ATXN8OS: variants seen among roughly 807,000 people sequenced by gnomAD.
ATXN8OS encodes ATXN8 opposite strand (non-protein coding).
In ATXN8OS at chr13:70,117,901, G is replaced by T. The variant is rs560653265; in HGVS notation, n.398+2603G>T. Among the ~76,000 whole-genome samples, 578 of 152,134 alleles carry T rather than the reference G, an allele frequency of 3.8e-3. 2 individuals are homozygous for T. Among genetic ancestry groups the T allele is most frequent in the Non-Finnish European group, 5.8e-3 (394 of 67,952 alleles). On this transcript the variant is annotated intron_variant and non_coding_transcript_variant, in intron 2 of 4. Coordinates refer to ENST00000678624, the Ensembl canonical transcript of ATXN8OS. ...AAGCTTTCAATACTTAGTTGGCTTT[G>T]CAACTTTCAAAGGCATTTTGTAAAA...
chr13:70,163,294 C>A (rs562312511), intron 4 of ATXN8OS, among the ~76,000 whole-genome samples: 1 of 152,104 alleles, frequency 6.6e-6, no homozygotes, highest in East Asian at 1.9e-4. Context: ...GATCTCACTG[C>A]TGGTGTGGAA....
rs527555775 is a variant in ATXN8OS, at chr13:70,108,051, G to A, written n.240+32G>A. The A allele has an allele frequency of 1.4e-5, 6 of 425,000 alleles. No homozygotes were observed. The South Asian group carries it at 4.2e-4, about 30-fold the overall frequency. 26.3% of individuals were successfully genotyped at this position (425,000 alleles called of 1,614,324 possible). On this transcript the variant is annotated intron_variant and non_coding_transcript_variant, in intron 1 of 4. Transcript: ENST00000678624. ...CAACCCTTAGGCTGGAGATGCGCGAGGGAGGGAGGTCTGAGCGCTCCGAAG... is the reference window on the plus strand; with the variant it reads ...CAACCCTTAGGCTGGAGATGCGCGAAGGAGGGAGGTCTGAGCGCTCCGAAG...
intron 1 of ATXN8OS, among the ~76,000 whole-genome samples, chr13:70,113,532 G>A (rs1888230786): frequency 6.6e-6 from 1 of 152,050 alleles, no homozygotes; most frequent in Non-Finnish European, 1.5e-5. Context: ...TCACTGTGGG[G>A]TAAGGTGAGT....
At chr13:70,143,025 A>T (rs977349858) in intron 3 of ATXN8OS, among the ~76,000 whole-genome samples, 3 of 151,936 alleles carry the variant, frequency 2.0e-5, no homozygotes, top group Non-Finnish European at 4.4e-5. Context: ...GTGAGCCGAG[A>T]TCGCGCCATT....
rs1240524168 is a variant in ATXN8OS at position 70,160,805 on chromosome 13, T to TA, written n.574-8948_574-8947insA. On this transcript the variant is annotated intron_variant and non_coding_transcript_variant, in intron 4 of 4. Transcript: ENST00000678624. ...AAATATTTATTTATAAATATATTTA[T>TA]TATAAATATATATAAATATATATTT... Among the ~76,000 whole-genome samples, 4 of 14,990 alleles carry TA rather than the reference T, an allele frequency of 2.7e-4. 1 individual carries two copies. Among genetic ancestry groups the TA allele is most frequent in the African/African-American group, 4.3e-4 (4 of 9,232 alleles). 9.8% of individuals were successfully genotyped at this position (14,990 alleles called of 152,430 possible). A position where few individuals can be genotyped will look rare whatever the true frequency, so the allele number is the denominator to read the frequency against.
At chr13:70,164,127 TTAATAA>T (rs1889046470) in intron 4 of ATXN8OS, among the ~76,000 whole-genome samples, 1 of 148,992 alleles carries the variant, frequency 6.7e-6, no homozygotes, top group Non-Finnish European at 1.5e-5. Flanking sequence ...CAGGATAATA[TTAATAA>T]TAATAACCAA....
At chr13:70,146,920 T>C (rs952182494) in intron 3 of ATXN8OS, among the ~76,000 whole-genome samples, 2 of 152,042 alleles carry the variant, frequency 1.3e-5, no homozygotes, top group Admixed American at 6.6e-5. Flanking sequence ...ATAAAAATAA[T>C]GAAATTTTAA....
intron 2 of ATXN8OS, among the ~76,000 whole-genome samples, chr13:70,121,740 T>C (rs1442246891): frequency 1.3e-5 from 2 of 152,154 alleles, no homozygotes; most frequent in Admixed American, 6.6e-5. Flanking sequence ...TATTATCTTA[T>C]GTTATAAACT....
chr13:70,121,636 CTT>C lies in ATXN8OS; in HGVS notation n.398+6339_398+6340del, dbSNP rs1888361354. Among the ~76,000 whole-genome samples, 3 of 151,920 alleles carry C rather than the reference CTT, an allele frequency of 2.0e-5. No homozygotes were observed. In the South Asian group the frequency reaches 6.2e-4, roughly 31 times the overall value. ...GCTTTCATTCATACAGATGAGCTCTCTTAATTTAGGAAATGTAGAACTAGAAT... is the reference window on the plus strand; with the variant it reads ...GCTTTCATTCATACAGATGAGCTCTCAATTTAGGAAATGTAGAACTAGAAT... On this transcript the variant is annotated intron_variant and non_coding_transcript_variant, in intron 2 of 4. Coordinates refer to ENST00000678624, the Ensembl canonical transcript of ATXN8OS.
chr13:70,130,194 T>C (rs1262628376), intron 3 of ATXN8OS, among the ~76,000 whole-genome samples: 1 of 152,196 alleles, frequency 6.6e-6, no homozygotes, highest in Non-Finnish European at 1.5e-5. Flanking sequence ...TGCGATACAC[T>C]AAACACATTT....
At chr13:70,131,221 A>T (rs946279358) in intron 3 of ATXN8OS, 1 of 376,426 alleles carries the variant, frequency 2.7e-6, no homozygotes, top group African/African-American at 2.5e-5. Flanking sequence ...ACATGTATAC[A>T]TCCTAAATAT....
intron 2 of ATXN8OS, among the ~76,000 whole-genome samples, chr13:70,118,680 A>C (rs1007625335): frequency 6.6e-6 from 1 of 152,086 alleles, no homozygotes; most frequent in Non-Finnish European, 1.5e-5. Context: ...ACTATCACAG[A>C]ATGCTAGAAT....
intron 3 of ATXN8OS, among the ~76,000 whole-genome samples, chr13:70,145,511 T>A (rs1888770607): frequency 6.6e-6 from 1 of 152,026 alleles, no homozygotes; most frequent in South Asian, 2.1e-4. Flanking sequence ...TTTGTTTGTA[T>A]CTTCTTTTAT....
In ATXN8OS at chr13:70,139,380, A is replaced by ACTACTG. The variant is rs1351934971; in HGVS notation, n.500-7972_500-7967dup. ...TACTACTACTACTACTACTACTACT[A>ACTACTG]CTACTGCTGCTGCTGCTGCTGCTGC... On this transcript the variant is annotated intron_variant and non_coding_transcript_variant, in intron 3 of 4. Transcript: ENST00000678624. The ACTACTG allele has an allele frequency of 1.4e-4, 83 of 576,694 alleles. 4 individuals carry two copies. The highest frequency in any genetic ancestry group is 1.4e-4 in the Non-Finnish European group (47 of 335,924). 35.7% of individuals were successfully genotyped at this position (576,694 alleles called of 1,614,324 possible). A position where few individuals can be genotyped will look rare whatever the true frequency, so the allele number is the denominator to read the frequency against.
intron 4 of ATXN8OS, among the ~76,000 whole-genome samples, chr13:70,154,705 G>A (rs1331867803): frequency 1.3e-5 from 2 of 152,156 alleles, no homozygotes; most frequent in East Asian, 1.9e-4. Context: ...TCAACAAAGA[G>A]AGAAGAAAAA....
At chr13:70,153,192 A>C (rs768972592) in intron 4 of ATXN8OS, among the ~76,000 whole-genome samples, 3 of 152,142 alleles carry the variant, frequency 2.0e-5, no homozygotes, top group Non-Finnish European at 4.4e-5. Context: ...TTAGTAGCTA[A>C]AGAGTGAATG....
chr13:70,107,705 A>G, upstream of ATXN8OS: 1 of 1,515,550 alleles, frequency 6.6e-7, no homozygotes, highest in Non-Finnish European at 8.8e-7. Context: ...GACATGCTTT[A>G]CGCACAGAAG....
chr13:70,136,170 T>A (rs1888610819), intron 3 of ATXN8OS, among the ~76,000 whole-genome samples: 1 of 152,172 alleles, frequency 6.6e-6, no homozygotes, highest in Non-Finnish European at 1.5e-5. Context: ...TGGCTGAAGC[T>A]CAGTTGTATG....
At chr13:70,121,779 T>A (rs1888363230) in intron 2 of ATXN8OS, among the ~76,000 whole-genome samples, 1 of 152,030 alleles carries the variant, frequency 6.6e-6, no homozygotes, top group South Asian at 2.1e-4. Flanking sequence ...AAAATAGCGA[T>A]CTTTAGAAGT....
Sources: allele counts gnomAD v4.1 joint callset (sites outside exome capture counted in the v4.1 genomes callset), GRCh38; gene constraint gnomAD v4.1.1; transcripts MANE v1.5; gene names NCBI Gene and HGNC (gene_info 2026-07-23, HGNC 2026-07-21).